Variants in HEXD observed in about 807,000 individuals in gnomAD.
The protein encoded by HEXD is hexosaminidase D, also known as N-acetyl-beta-galactosaminidase.
Under a neutral mutation model 54.2 loss-of-function variants are expected in HEXD, and 47 were observed. The ratio of observed to expected loss-of-function variants is 0.87; its 90% CI spans 0.69 to 1.11. HEXD has a LOEUF of 1.11. Among genes scored for constraint, HEXD ranks in the 50% least tolerant of loss-of-function variants. The pLI is 0.00. For missense variants in HEXD, 576 were observed against 649.2 expected, an observed-to-expected ratio of 0.89 and a Z score of 1.23; for synonymous variants, 293 against 287.6, an observed-to-expected ratio of 1.02 and a Z score of -0.19.
intron 11 of HEXD, 62 bp from the exon 12 acceptor site, chr17:82,441,738 G>A (rs1277136222): frequency 1.5e-6 from 2 of 1,294,882 alleles, no homozygotes; most frequent in African/African-American, 1.5e-5. Flanking sequence ...CTGTATTACT[G>A]CAAAGCCGCC....
In HEXD at chr17:82,442,346, C is replaced by T; in HGVS notation, c.1423C>T (p.Pro475Ser). ...LSEVSAPPLPPTSPGRDVAQD... is the reference protein window; with the variant it reads ...LSEVSAPPLPSTSPGRDVAQD... ...CGAGGTGTCTGCCCCCCCGCTGCCA[C>T]CCACCAGCCCTGGCAGGGACGTTGC... Residue 475 changes from proline to serine, a missense_variant, in exon 13 of 13, where the codon CCC (proline) becomes TCC (serine). Coordinates refer to ENST00000327949, the MANE Select transcript of HEXD (RefSeq NM_001330542.2). The surrounding 1 kb of genome is among the most constrained non-coding windows in gnomAD (Gnocchi z 6.8). 3 of 1,611,108 alleles carry T rather than the reference C, an allele frequency of 1.9e-6. No homozygotes were observed. Among genetic ancestry groups the T allele is most frequent in the Non-Finnish European group, 2.5e-6 (3 of 1,179,306 alleles).
Position 82,440,726 on chromosome 17 carries a change from C to T in HEXD, c.983-271C>T, listed in dbSNP as rs569899443. The T allele has an allele frequency of 1.2e-4, 62 of 500,588 alleles. 1 individual carries two copies. Among genetic ancestry groups the T allele is most frequent in the African/African-American group, 1.0e-3 (52 of 51,428 alleles). The allele number at this position is 500,588 out of a possible 1,614,324, so 31.0% of individuals were successfully genotyped here. On this transcript the variant is annotated intron_variant, in intron 9 of 12. Coordinates refer to ENST00000327949, the MANE Select transcript of HEXD (RefSeq NM_001330542.2). ...GGGCTGCGCCCAGCAGGAAGAGCCACTTGCTGTCCGGGTGTTGCTGCTGGC... is the reference window on the plus strand; with the variant it reads ...GGGCTGCGCCCAGCAGGAAGAGCCATTTGCTGTCCGGGTGTTGCTGCTGGC...
chr17:82,423,580 C>G (rs950374286), intron 2 of HEXD: 4 of 152,006 alleles, frequency 2.6e-5, no homozygotes, highest in Non-Finnish European at 4.4e-5. Context: ...TTTGGAAGGC[C>G]GAGGGGCAGA....
In HEXD at chr17:82,435,853, G is replaced by A; in HGVS notation, c.612G>A (p.Leu204=). ...TGTGGGACGACATGCTCCGAGACCTGCCTGAGGACCAGCTCGCAGGTCGGC... is the reference window on the plus strand; with the variant it reads ...TGTGGGACGACATGCTCCGAGACCTACCTGAGGACCAGCTCGCAGGTCGGC... ...PLVWDDMLRD[L]PEDQLAASGV... The change falls in exon 6 of 13, where the codon CTG becomes CTA. Residue 204 remains leucine, a synonymous_variant. Coordinates refer to ENST00000327949, the MANE Select transcript of HEXD (RefSeq NM_001330542.2). 6.2e-7 allele frequency: 1 copy of A among 1,608,294 alleles called. No individual in the cohort carries two copies. The highest frequency in any genetic ancestry group is 8.5e-7 in the Non-Finnish European group (1 of 1,177,694).
rs1239546273 is a variant in HEXD, at chr17:82,436,573, C to T, written c.632-94C>T. 5.0e-6 allele frequency: 5 copies of T among 1,006,180 alleles called. No individual in the cohort carries two copies. The African/African-American group carries it at 6.4e-5, about 13-fold the overall frequency. 62.3% of individuals were successfully genotyped at this position (1,006,180 alleles called of 1,614,324 possible). A position where few individuals can be genotyped will look rare whatever the true frequency, so the allele number is the denominator to read the frequency against. On this transcript the variant is annotated intron_variant, in intron 6 of 12. Coordinates refer to ENST00000327949, the MANE Select transcript of HEXD (RefSeq NM_001330542.2). ...AGTCTGTCTTAAAAAGGTATCTGTG[C>T]TCACACTTTCAAGCAAAACGAGAAC...
chr17:82,433,023 G>A (rs1317753651), intron 4 of HEXD, among the ~76,000 whole-genome samples: 2 of 125,562 alleles, frequency 1.6e-5, no homozygotes, highest in African/African-American at 6.0e-5. Context: ...CCGAGATCAT[G>A]CCACTGCACT....
intron 4 of HEXD, among the ~76,000 whole-genome samples, chr17:82,432,271 G>A (rs552088196): frequency 7.4e-4 from 113 of 152,288 alleles, no homozygotes; most frequent in African/African-American, 2.7e-3. Context: ...AGAGTGTGCA[G>A]CACCATCTGG....
intron 4 of HEXD, among the ~76,000 whole-genome samples, chr17:82,433,091 A>AAT (rs1555617646): frequency 2.4e-3 from 32 of 13,232 alleles, no homozygotes; most frequent in Non-Finnish European, 3.0e-3. Flanking sequence ...AAAAAAAAAA[A>AAT]ATATATATAT....
rs1456463333 is a variant in HEXD at position 82,436,898 on chromosome 17, C to T, written c.703+160C>T. 4.2e-5 allele frequency: 28 copies of T among 673,656 alleles called. No individual in the cohort carries two copies. The Admixed American group carries it at 5.4e-4, about 13-fold the overall frequency. The allele number at this position is 673,656 out of a possible 1,614,324, so 41.7% of individuals were successfully genotyped here. A position where few individuals can be genotyped will look rare whatever the true frequency, so the allele number is the denominator to read the frequency against. On this transcript the variant is annotated intron_variant, in intron 7 of 12. Coordinates refer to ENST00000327949, the MANE Select transcript of HEXD (RefSeq NM_001330542.2). ...GACCCCAGCCCATGGTGCCTCGGGA[C>T]GGCCACCGTGCACCGGTGCCTCACC...
chr17:82,436,598 C>A, intron 6 of HEXD, 69 bp from the exon 7 acceptor site: 1 of 1,309,602 alleles, frequency 7.6e-7, no homozygotes, highest in Non-Finnish European at 1.1e-6. Context: ...AAAACGAGAA[C>A]AGGTGGGTCC....
At chr17:82,419,015 A>G (rs538240394) in intron 1 of HEXD, among the ~76,000 whole-genome samples, 1 of 152,374 alleles carries the variant, frequency 6.6e-6, no homozygotes, top group South Asian at 2.1e-4. Context: ...GCACGGAACC[A>G]GGGGCTGGAT....
Position 82,440,161 on chromosome 17 carries a change from G to A in HEXD, c.982+448G>A, listed in dbSNP as rs141949216. On this transcript the variant is annotated intron_variant, in intron 9 of 12. Transcript: ENST00000327949. ...GGACCCATGGGCAGGGGCAGGCACCGGGGAACCCCTTGGGGTCGGCAGGGG... is the reference window on the plus strand; with the variant it reads ...GGACCCATGGGCAGGGGCAGGCACCAGGGAACCCCTTGGGGTCGGCAGGGG... The A allele has an allele frequency of 7.7e-4, 1,000 of 1,291,674 alleles. 5 individuals carry two copies. In the African/African-American group the frequency reaches 0.014, roughly 17 times the overall value. 80.0% of individuals were successfully genotyped at this position (1,291,674 alleles called of 1,614,324 possible). A position where few individuals can be genotyped will look rare whatever the true frequency, so the allele number is the denominator to read the frequency against.
chr17:82,435,973 CCCCAGCCCCG>C (rs1748814983), intron 6 of HEXD, 101 bp downstream of exon 6: 6 of 1,215,414 alleles, frequency 4.9e-6, no homozygotes, highest in Middle Eastern at 2.8e-4. Flanking sequence ...CCAGGGTGAG[CCCCAGCCCCG>C]CACAGACCCG....
Position 82,433,116 on chromosome 17 carries a change from ATATATATATATATTT to A in HEXD, c.283-540_283-526del, listed in dbSNP as rs1159950289. Among the ~76,000 whole-genome samples the A allele has an allele frequency of 2.3e-3, 42 of 17,932 alleles. 7 individuals are homozygous for A. The highest frequency in any genetic ancestry group is 4.3e-3 in the South Asian group (2 of 466). The allele number at this position is 17,932 out of a possible 152,430, so 11.8% of individuals were successfully genotyped here. On this transcript the variant is annotated intron_variant, in intron 4 of 12. Transcript: ENST00000327949. The stretch of plus-strand genomic sequence containing the variant: ...AATATATATATATATATATATATAT[ATATATATATATATTT>A]TTTTTTTTTTTTTATATATATATTT...
chr17:82,440,365 C>T (rs1191212242), intron 9 of HEXD: 28 of 1,189,742 alleles, frequency 2.4e-5, no homozygotes, highest in Non-Finnish European at 3.0e-5. Flanking sequence ...ATCAGATTGA[C>T]TTCTCAGTTG....
At chr17:82,428,713 C>A in intron 4 of HEXD, 68 bp downstream of exon 4, 2 of 1,398,338 alleles carry the variant, frequency 1.4e-6, no homozygotes, top group Non-Finnish European at 2.0e-6. Flanking sequence ...CTGGGCCAGG[C>A]TTGTGCCCAG....
rs370134016 is a variant in HEXD, at chr17:82,437,336, A to G, written c.872A>G (p.Gln291Arg). ...GGCAGCGGGCCCACGGACTCACTGC[A>G]GGGCATCATCCTGACCGGCTGGCAG... ...VAGSGPTDSL[Q>R]GIILTGWQRY... The change falls in exon 8 of 13, where the codon CAG becomes CGG. Residue 291 changes from glutamine to arginine, a missense_variant. By Grantham distance (43) the Gln-to-Arg change is conservative. Coordinates refer to ENST00000327949, the MANE Select transcript of HEXD (RefSeq NM_001330542.2). 3.1e-4 allele frequency: 494 copies of G among 1,608,422 alleles called. No homozygotes were observed. Among genetic ancestry groups the G allele is most frequent in the Non-Finnish European group, 4.1e-4 (482 of 1,177,776 alleles).
chr17:82,433,923 C>A, intron 5 of HEXD, 101 bp downstream of exon 5: 1 of 1,094,296 alleles, frequency 9.1e-7, no homozygotes, highest in Non-Finnish European at 1.3e-6. Context: ...TAGAGACAGG[C>A]TTGTTGTTCC....
intron 2 of HEXD, chr17:82,420,126 T>C: frequency 2.9e-6 from 1 of 345,562 alleles, no homozygotes; most frequent in Non-Finnish European, 5.2e-6. Context: ...CACAGCTTCT[T>C]TCTTTTGGGT....
Sources: allele counts gnomAD v4.1 joint callset (sites outside exome capture counted in the v4.1 genomes callset), GRCh38; gene constraint gnomAD v4.1.1; non-coding constraint Gnocchi (gnomAD v3.1); transcripts MANE v1.5; gene names NCBI Gene and HGNC (gene_info 2026-07-23, HGNC 2026-07-21).